NTRK2: variants seen among roughly 807,000 people sequenced by gnomAD.
NTRK2 encodes neurotrophic receptor tyrosine kinase 2, also known as BDNF/NT-3 growth factors receptor.
In NTRK2, 13 loss-of-function variants were observed where a neutral mutation model predicts 94.5. The observed-to-expected ratio is 0.14, with a 90% CI of 0.09 to 0.22. The LOEUF (loss-of-function observed/expected upper bound fraction) is 0.22, where lower values mean the gene tolerates loss of function less well. Among genes scored for constraint, NTRK2 ranks in the 10% least tolerant of loss-of-function variants. The pLI, the probability that NTRK2 is intolerant of heterozygous loss-of-function variation, is 1.00. For synonymous variants in NTRK2, 372 were observed against 407.4 expected (o/e 0.91, Z 1.05); for missense variants, 639 against 1,071.2 (o/e 0.60, Z 5.63).
intron 12 of NTRK2, among the ~76,000 whole-genome samples, chr9:84,809,880 TGGAAAA>T: frequency 1.4e-5 from 1 of 69,948 alleles, no homozygotes. Flanking sequence ...ATACTCTGTC[TGGAAAA>T]AAAAAAAAAA....
intron 12 of NTRK2, among the ~76,000 whole-genome samples, chr9:84,854,612 T>C (rs2074966611): frequency 6.6e-6 from 1 of 151,980 alleles, no homozygotes; most frequent in African/African-American, 2.4e-5. Flanking sequence ...GATAGTGTGA[T>C]ATTTGACCTG....
chr9:84,823,023 C>G (rs1249525277), intron 12 of NTRK2, among the ~76,000 whole-genome samples: 1 of 152,092 alleles, frequency 6.6e-6, no homozygotes, highest in Non-Finnish European at 1.5e-5. Context: ...TGAGTGCTTT[C>G]GGAAACTCCA....
chr9:84,809,144 C>T (rs763074195), intron 12 of NTRK2, among the ~76,000 whole-genome samples: 24 of 152,060 alleles, frequency 1.6e-4, no homozygotes, highest in Non-Finnish European at 3.2e-4. Context: ...CAGAACTTAT[C>T]TCATAGGGTT....
intron 12 of NTRK2, among the ~76,000 whole-genome samples, chr9:84,757,913 C>T (rs1234629223): frequency 6.6e-6 from 1 of 152,044 alleles, no homozygotes; most frequent in African/African-American, 2.4e-5. Flanking sequence ...AATAGATTAC[C>T]TTGCATAAAT....
At chr9:84,745,496 A>G (rs1251892311) in intron 11 of NTRK2, among the ~76,000 whole-genome samples, 1 of 152,202 alleles carries the variant, frequency 6.6e-6, no homozygotes, top group Non-Finnish European at 1.5e-5. Context: ...AACAAAATTA[A>G]GATTAGTTGT....
intron 9 of NTRK2, among the ~76,000 whole-genome samples, chr9:84,740,812 T>C (rs1317269634): frequency 6.6e-6 from 1 of 152,248 alleles, no homozygotes; most frequent in Non-Finnish European, 1.5e-5. Flanking sequence ...TTTTATTTGG[T>C]TCTTCATTTA....
intron 8 of NTRK2, among the ~76,000 whole-genome samples, chr9:84,726,448 C>G (rs557578790): frequency 6.6e-6 from 1 of 152,284 alleles, no homozygotes; most frequent in East Asian, 1.9e-4. Flanking sequence ...GATCGTGCCA[C>G]TGCACTCCAG....
chr9:84,944,217 A>ACT (rs1564488168), intron 15 of NTRK2, among the ~76,000 whole-genome samples: 1 of 100,672 alleles, frequency 9.9e-6, no homozygotes. Context: ...TCTCTCTCTC[A>ACT]CACACACACA....
intron 9 of NTRK2, among the ~76,000 whole-genome samples, chr9:84,729,751 T>C (rs1446174415): frequency 6.6e-6 from 1 of 152,222 alleles, no homozygotes; most frequent in East Asian, 1.9e-4. Flanking sequence ...GGGGCAAAAC[T>C]TGATTCAGAG....
At chr9:84,794,435 A>C (rs1485977167) in intron 12 of NTRK2, among the ~76,000 whole-genome samples, 2 of 152,224 alleles carry the variant, frequency 1.3e-5, no homozygotes, top group Non-Finnish European at 2.9e-5. Flanking sequence ...ACATCATGGC[A>C]TAGCCAAAAA....
In NTRK2 at chr9:84,744,378, G is replaced by A. The variant is rs530497071; in HGVS notation, c.1196-595G>A. ...TGGCAATTCAGAACTCTTCAAAAAA[G>A]TTTACGTGTGGACCCAAGTTTCATA... On this transcript the variant is annotated intron_variant, in intron 10 of 18. Transcript: ENST00000277120. 2.6e-5 allele frequency among the ~76,000 whole-genome samples: 4 copies of A among 152,208 alleles called. No homozygotes were observed. In the South Asian group the frequency reaches 8.3e-4, roughly 32 times the overall value.
In NTRK2 at chr9:85,020,186, G is replaced by T. The variant is rs2117924328; in HGVS notation, c.2173-20G>T. On this transcript the variant is annotated intron_variant, in intron 17 of 18. Coordinates refer to ENST00000277120, the MANE Select transcript of NTRK2 (RefSeq NM_006180.6). ...GTTTCGGGGTGACTGATGCCTCCCT[G>T]TTGATCCCTTTCTCCCCAGGTCGGT... 6.2e-7 allele frequency: 1 copy of T among 1,613,842 alleles called. No individual in the cohort carries two copies.
At chr9:84,838,740 T>C (rs1263434185) in intron 12 of NTRK2, among the ~76,000 whole-genome samples, 1 of 152,228 alleles carries the variant, frequency 6.6e-6, no homozygotes, top group East Asian at 1.9e-4. Flanking sequence ...TAGTTCACTA[T>C]TTTGTGAAGT....
chr9:84,860,514 G>A (rs564241419), intron 12 of NTRK2, among the ~76,000 whole-genome samples: 1 of 152,160 alleles, frequency 6.6e-6, no homozygotes, highest in Admixed American at 6.5e-5. Flanking sequence ...ACGGGATTTT[G>A]TGTTGCTTTT....
At chr9:84,843,107 G>T (rs376268086) in intron 12 of NTRK2, among the ~76,000 whole-genome samples, 6 of 152,176 alleles carry the variant, frequency 3.9e-5, no homozygotes, top group Admixed American at 3.9e-4. Context: ...ATGGTATTAC[G>T]GTGAGGAGCT....
At chr9:84,997,999 C>T (rs945844546) in intron 17 of NTRK2, among the ~76,000 whole-genome samples, 3 of 152,224 alleles carry the variant, frequency 2.0e-5, no homozygotes, top group African/African-American at 7.2e-5. Context: ...CAGCATCTTG[C>T]CTGCCTTACA....
chr9:84,950,713 GCA>G (rs893833439), intron 16 of NTRK2, among the ~76,000 whole-genome samples: 1 of 152,156 alleles, frequency 6.6e-6, no homozygotes, highest in Non-Finnish European at 1.5e-5. Flanking sequence ...CCCTTGCTGG[GCA>G]CAGTTTCCTT....
intron 9 of NTRK2, among the ~76,000 whole-genome samples, chr9:84,732,256 C>T (rs1481331196): frequency 1.3e-5 from 2 of 152,324 alleles, no homozygotes; most frequent in African/African-American, 2.4e-5. Context: ...GAGAGATCTT[C>T]CCTGGTTCCC....
chr9:84,926,234 T>C (rs975620849), intron 14 of NTRK2, among the ~76,000 whole-genome samples: 2 of 138,418 alleles, frequency 1.4e-5, no homozygotes, highest in African/African-American at 2.7e-5. Flanking sequence ...TTCTTTCTTT[T>C]TCTTTCCTTC....
Sources: allele counts gnomAD v4.1 joint callset (sites outside exome capture counted in the v4.1 genomes callset), GRCh38; gene constraint gnomAD v4.1.1; transcripts MANE v1.5; gene names NCBI Gene and HGNC (gene_info 2026-07-23, HGNC 2026-07-21).